The following PTPRD variants were observed in gnomAD, a reference collection of about 807,000 sequenced individuals.
The protein encoded by PTPRD is receptor-type tyrosine-protein phosphatase delta.
A neutral mutation model predicts 214.5 loss-of-function variants in PTPRD; 34 were observed. That is an observed-to-expected ratio of 0.16 (90% confidence interval 0.12 to 0.21). The LOEUF (loss-of-function observed/expected upper bound fraction) is 0.21, where lower values mean the gene tolerates loss of function less well. Among genes scored for constraint, PTPRD ranks in the 10% least tolerant of loss-of-function variants. The probability of loss-of-function intolerance (pLI) is 1.00; values close to 1 mark genes in which losing one functional copy is unlikely to be tolerated. For synonymous variants in PTPRD, 1,128 were observed against 845.7 expected, an observed-to-expected ratio of 1.33 and a Z score of -5.79; for missense variants, 2,545 against 2,398.7, an observed-to-expected ratio of 1.06 and a Z score of -1.27.
At chr9:8,788,708 A>C (rs1325843911) in intron 11 of PTPRD, among the ~76,000 whole-genome samples, 1 of 152,252 alleles carries the variant, frequency 6.6e-6, no homozygotes, top group African/African-American at 2.4e-5. Flanking sequence ...AACTGTTTTC[A>C]AGTGCAAAAT....
chr9:8,963,426 A>G (rs1335905977), intron 11 of PTPRD, among the ~76,000 whole-genome samples: 5 of 152,102 alleles, frequency 3.3e-5, no homozygotes, highest in African/African-American at 9.7e-5. Flanking sequence ...TGCATTTTGT[A>G]TGTGTTATAT....
chr9:10,389,196 C>CCA lies in PTPRD; in HGVS notation c.-599-48181_-599-48180dup, dbSNP rs2097999558. 2.6e-5 allele frequency among the ~76,000 whole-genome samples: 4 copies of CCA among 151,810 alleles called. No homozygotes were observed. The South Asian group carries it at 8.3e-4, about 31-fold the overall frequency. On this transcript the variant is annotated intron_variant, in intron 2 of 45. Transcript: ENST00000381196. ...CAAACCCTATTAAAGAGAATGGTAA[C>CCA]CATATAATCATGTTTTTCACACATT...
In PTPRD at chr9:8,518,803, T is replaced by A. The variant is rs374883497; in HGVS notation, c.962-374A>T. Among the ~76,000 whole-genome samples, 282 of 152,310 alleles carry A rather than the reference T, an allele frequency of 1.9e-3. 1 individual carries two copies. The highest frequency in any genetic ancestry group is 6.5e-3 in the African/African-American group (269 of 41,576). On this transcript the variant is annotated intron_variant, in intron 20 of 45. Transcript: ENST00000381196. ...CTGTATGTAACTGTATTTCATGGGT[T>A]TGCTGTGAAGACTAATGAGCCAATC... is the stretch of plus-strand genomic sequence containing the variant.
chr9:8,688,520 G>T (rs539186285), intron 12 of PTPRD, among the ~76,000 whole-genome samples: 5 of 148,154 alleles, frequency 3.4e-5, no homozygotes, highest in African/African-American at 1.3e-4. Context: ...AGCCGAGATC[G>T]CACCACTGCG....
intron 2 of PTPRD, among the ~76,000 whole-genome samples, chr9:10,393,564 G>A (rs550676530): frequency 6.6e-6 from 1 of 151,164 alleles, no homozygotes; most frequent in Non-Finnish European, 1.5e-5. Context: ...GCCAAGGAGG[G>A]AGGATTGCTT....
intron 11 of PTPRD, among the ~76,000 whole-genome samples, chr9:9,007,437 C>A (rs533042639): frequency 2.0e-5 from 3 of 150,592 alleles, no homozygotes; most frequent in African/African-American, 7.3e-5. Flanking sequence ...TACAACTATA[C>A]CTTCAATACA....
chr9:9,079,017 G>C (rs570727921), intron 10 of PTPRD, among the ~76,000 whole-genome samples: 3 of 151,946 alleles, frequency 2.0e-5, no homozygotes, highest in Non-Finnish European at 4.4e-5. Context: ...AGGGTAATCA[G>C]CATATCCATC....
intron 2 of PTPRD, among the ~76,000 whole-genome samples, chr9:10,502,360 G>A (rs910048652): frequency 3.3e-5 from 5 of 151,808 alleles, no homozygotes; most frequent in African/African-American, 9.7e-5. Context: ...GTATACATGA[G>A]TTATGAAGGA....
intron 2 of PTPRD, among the ~76,000 whole-genome samples, chr9:10,578,693 C>T (rs2070513127): frequency 2.0e-5 from 3 of 152,138 alleles, no homozygotes; most frequent in African/African-American, 7.2e-5. Flanking sequence ...TAACACACTA[C>T]AGCATTGCCA....
chr9:8,472,181 T>C (rs1185298808), intron 30 of PTPRD, among the ~76,000 whole-genome samples: 1 of 152,088 alleles, frequency 6.6e-6, no homozygotes, highest in Non-Finnish European at 1.5e-5. Flanking sequence ...GTGGCAGTGG[T>C]CTGTCTCTTT....
intron 12 of PTPRD, among the ~76,000 whole-genome samples, chr9:8,716,223 C>G (rs1250807825): frequency 1.3e-5 from 2 of 152,210 alleles, no homozygotes; most frequent in Admixed American, 6.5e-5. Context: ...TAGGAGACAC[C>G]TAAGGTCTGT....
intron 12 of PTPRD, among the ~76,000 whole-genome samples, chr9:8,705,492 T>C (rs772127007): frequency 2.7e-4 from 41 of 152,194 alleles, no homozygotes; most frequent in Non-Finnish European, 4.1e-4. Flanking sequence ...TATCAAGTAA[T>C]ACTAGTTTTG....
At chr9:9,809,113 G>A (rs896047902) in intron 5 of PTPRD, among the ~76,000 whole-genome samples, 3 of 151,864 alleles carry the variant, frequency 2.0e-5, no homozygotes, top group Admixed American at 6.6e-5. Flanking sequence ...CCCCAACTAT[G>A]TGGCCCTTCT....
At chr9:9,330,367 C>T (rs1337205749) in intron 9 of PTPRD, among the ~76,000 whole-genome samples, 3 of 152,096 alleles carry the variant, frequency 2.0e-5, no homozygotes, top group African/African-American at 7.2e-5. Flanking sequence ...ATTCTCTCCA[C>T]CTGCCGCAGA....
At chr9:8,550,607 G>A (rs547714450) in intron 14 of PTPRD, among the ~76,000 whole-genome samples, 1 of 152,284 alleles carries the variant, frequency 6.6e-6, no homozygotes, top group African/African-American at 2.4e-5. Flanking sequence ...TGTGGAAAGA[G>A]TAGCAACAAA....
At chr9:10,141,090 G>C (rs965388448) in intron 3 of PTPRD, among the ~76,000 whole-genome samples, 4 of 151,986 alleles carry the variant, frequency 2.6e-5, no homozygotes, top group Admixed American at 1.3e-4. Flanking sequence ...GGTATTGATG[G>C]GACGTATCTC....
chr9:9,279,288 TTATA>T, intron 9 of PTPRD, among the ~76,000 whole-genome samples: 1 of 148,766 alleles, frequency 6.7e-6, no homozygotes, highest in East Asian at 2.0e-4. Flanking sequence ...TACACAGATG[TTATA>T]TATATAATCA....
At chr9:10,196,859 T>G (rs1486773149) in intron 3 of PTPRD, among the ~76,000 whole-genome samples, 5 of 152,070 alleles carry the variant, frequency 3.3e-5, no homozygotes, top group Non-Finnish European at 5.9e-5. Flanking sequence ...ACCTCCACTA[T>G]GAATAGGACT....
At chr9:10,573,773 T>C (rs2132066624) in intron 2 of PTPRD, among the ~76,000 whole-genome samples, 1 of 152,052 alleles carries the variant, frequency 6.6e-6, no homozygotes, top group East Asian at 1.9e-4. Flanking sequence ...ATGAGGAAGT[T>C]GAAGGAGTAG....
Sources: allele counts gnomAD v4.1 joint callset (sites outside exome capture counted in the v4.1 genomes callset), GRCh38; gene constraint gnomAD v4.1.1; transcripts MANE v1.5; gene names NCBI Gene and HGNC (gene_info 2026-07-23, HGNC 2026-07-21).